Variants in HMCN1 observed in about 807,000 individuals in gnomAD.
HMCN1 encodes the protein hemicentin 1.
In HMCN1, 321 loss-of-function variants were observed where a neutral mutation model predicts 625.9. The ratio of observed to expected loss-of-function variants is 0.51; its 90% CI spans 0.47 to 0.56. The LOEUF (loss-of-function observed/expected upper bound fraction) is 0.56, where lower values mean the gene tolerates loss of function less well. Ranked by LOEUF, HMCN1 falls within the 20% of genes least tolerant of loss-of-function variation. The pLI is 0.00. For synonymous variants in HMCN1, 2,425 were observed against 2,417.6 expected, an observed-to-expected ratio of 1.00 and a Z score of -0.09; for missense variants, 6,588 against 6,887.3, an observed-to-expected ratio of 0.96 and a Z score of 1.54.
rs767510138 is a variant in HMCN1 at position 185,995,060 on chromosome 1, G to A, written c.3751G>A (p.Glu1251Lys). 22 of 1,613,590 alleles carry A rather than the reference G, an allele frequency of 1.4e-5. No individual in the cohort carries two copies. Among genetic ancestry groups the A allele is most frequent in the Non-Finnish European group, 8.5e-7 (1 of 1,179,728 alleles). ...CVATNIAGTDETEITLHVQEP... is the reference protein window; with the variant it reads ...CVATNIAGTDKTEITLHVQEP... ...TGCTACTAACATAGCAGGCACTGATGAAACAGAGATAACGCTACATGTCCA... is the reference window on the plus strand; with the variant it reads ...TGCTACTAACATAGCAGGCACTGATAAAACAGAGATAACGCTACATGTCCA... The change falls in exon 24 of 107, where the codon GAA (glutamate) becomes AAA (lysine). Residue 1251 changes from glutamate (E) to lysine (K), a missense_variant. By Grantham distance (56) the Glu-to-Lys change is moderately conservative. Around this residue, in one of 3 missense-constraint regions of HMCN1, gnomAD observed 4,628 missense variants for 4,853.1 expected, o/e 0.95. Coordinates refer to ENST00000271588, the MANE Select transcript of HMCN1 (RefSeq NM_031935.3).
Position 185,848,165 on chromosome 1 carries a change from T to TTTCTGC in HMCN1, c.339+2069_339+2070insTTCTGC, listed in dbSNP as rs1319329775. 2.2e-3 allele frequency among the ~76,000 whole-genome samples: 329 copies of TTTCTGC among 152,292 alleles called. 2 individuals carry two copies. The highest frequency in any genetic ancestry group is 7.5e-3 in the African/African-American group (311 of 41,554). On this transcript the variant is annotated intron_variant, in intron 2 of 106. Transcript: ENST00000271588. ...ACCGCATTGTCTATGTTCACTGCTA[T>TTTCTGC]CATTTCCTTACTCCCATTTCTGCCA...
intron 30 of HMCN1, among the ~76,000 whole-genome samples, chr1:186,014,534 G>C (rs1380187845): frequency 6.6e-6 from 1 of 151,984 alleles, no homozygotes; most frequent in East Asian, 1.9e-4. Context: ...TGAGTGACTT[G>C]AGTTGTTTTC....
At chr1:186,107,037 G>A in intron 70 of HMCN1, 72 bp downstream of exon 70, 1 of 881,246 alleles carries the variant, frequency 1.1e-6, no homozygotes, top group Non-Finnish European at 2.0e-6. Flanking sequence ...CAACACCACA[G>A]CACATCACAG....
At position 186,128,278 on chromosome 1, in the gene HMCN1, C is replaced by T. The variant is rs1346147352; in HGVS notation, c.12891C>T (p.Asn4297=). ...PLPKLTWTFN[N]NIIPAHFDSV... is the part of the protein sequence containing the mutation. ...CCAAATTAACATGGACCTTCAATAA[C>T]AATATTATTCCAGGTTGGTCATTTA... is the stretch of plus-strand genomic sequence containing the variant. Residue 4297 remains asparagine (N), a synonymous_variant, in exon 83 of 107, where the codon AAC becomes AAT. Transcript: ENST00000271588. 1 of 1,612,256 alleles carries T rather than the reference C, an allele frequency of 6.2e-7. No homozygotes were observed. The highest frequency in any genetic ancestry group is 8.5e-7 in the Non-Finnish European group (1 of 1,178,930).
At chr1:185,844,124 C>T (rs1046272423) in intron 1 of HMCN1, among the ~76,000 whole-genome samples, 2 of 152,162 alleles carry the variant, frequency 1.3e-5, no homozygotes, top group Non-Finnish European at 2.9e-5. Flanking sequence ...ATGCTACTGA[C>T]AATTTATATG....
intron 97 of HMCN1, among the ~76,000 whole-genome samples, chr1:186,157,381 A>T (rs1355238992): frequency 6.6e-6 from 1 of 152,262 alleles, no homozygotes; most frequent in African/African-American, 2.4e-5. Context: ...AAAATAACTC[A>T]TAATAACATT....
rs747431472 is a variant in HMCN1 at position 186,153,837 on chromosome 1, C to T, written c.15106C>T (p.Pro5036Ser). The part of the protein sequence containing the change: ...RLFTIDGISI[P>S]YTWNHTVFYD... ...GTTCACCATTGATGGCATCAGCATC[C>T]CATACACATGGAACCACACCGTTTT... The change falls in exon 97 of 107, where the codon CCA becomes TCA. Residue 5036 changes from proline to serine, a missense_variant. By Grantham distance (74) the Pro-to-Ser change is moderately conservative (BLOSUM62 -1). Around this residue, in one of 3 missense-constraint regions of HMCN1, gnomAD observed 1,954 missense variants for 2,013.1 expected, o/e 0.97. Transcript: ENST00000271588. 8.1e-6 allele frequency: 13 copies of T among 1,614,012 alleles called. No individual in the cohort carries two copies. The highest frequency in any genetic ancestry group is 1.1e-5 in the Non-Finnish European group (13 of 1,180,016).
At position 185,845,942 on chromosome 1, in the gene HMCN1, G is replaced by C. The variant is rs1003851561; in HGVS notation, c.269-84G>C. On this transcript the variant is annotated intron_variant, in intron 1 of 106. Coordinates refer to ENST00000271588, the MANE Select transcript of HMCN1 (RefSeq NM_031935.3). ...ATTAATAAGTAACCATGTACTGCAA[G>C]GTGAAAAGACATCTATAAACACAAG... The C allele has an allele frequency of 1.5e-5, 13 of 843,670 alleles. No individual in the cohort carries two copies. In the South Asian group the frequency reaches 1.8e-4, roughly 11 times the overall value. 52.3% of individuals were successfully genotyped at this position (843,670 alleles called of 1,614,324 possible).
intron 4 of HMCN1, among the ~76,000 whole-genome samples, chr1:185,898,334 A>C (rs1048566451): frequency 3.5e-4 from 53 of 152,310 alleles, no homozygotes; most frequent in African/African-American, 1.2e-3. Flanking sequence ...CAGGAAGTTG[A>C]GAGAGAGTCC....
rs1658720205 is a variant in HMCN1, at chr1:186,074,985, CT to C, written c.8290+95del. 1.5e-5 allele frequency: 15 copies of C among 1,030,836 alleles called. No homozygotes were observed. The South Asian group carries it at 2.1e-4, about 15-fold the overall frequency. 63.9% of individuals were successfully genotyped at this position (1,030,836 alleles called of 1,614,324 possible). A position where few individuals can be genotyped will look rare whatever the true frequency, so the allele number is the denominator to read the frequency against. On this transcript the variant is annotated intron_variant, in intron 53 of 106. Transcript: ENST00000271588. ...GACTTATTTTAAACAGTGTTTTTTT[CT>C]GTTGACAATAATATAAATTCATGAT...
At chr1:185,888,957 CATTT>C (rs1159009097) in intron 4 of HMCN1, among the ~76,000 whole-genome samples, 1 of 147,448 alleles carries the variant, frequency 6.8e-6, no homozygotes, top group Non-Finnish European at 1.5e-5. Context: ...AATGTTCTTC[CATTT>C]GTTTGTGTCC....
intron 46 of HMCN1, among the ~76,000 whole-genome samples, chr1:186,060,542 T>C (rs1429603330): frequency 6.6e-6 from 1 of 152,126 alleles, no homozygotes; most frequent in Non-Finnish European, 1.5e-5. Flanking sequence ...TATTAGAGTT[T>C]CACTTTCAGT....
chr1:185,912,819 A>T (rs1169320882), intron 6 of HMCN1, among the ~76,000 whole-genome samples: 1 of 152,114 alleles, frequency 6.6e-6, no homozygotes, highest in Non-Finnish European at 1.5e-5. Context: ...CCAGCTGTCA[A>T]ATAAACAACT....
At chr1:186,144,394 T>G in intron 90 of HMCN1, 51 bp downstream of exon 90, 1 of 1,580,592 alleles carries the variant, frequency 6.3e-7, no homozygotes, top group Non-Finnish European at 8.7e-7. Flanking sequence ...CTACCTATCT[T>G]ATCTAGGTAG....
chr1:185,904,856 A>T (rs1038428887), intron 4 of HMCN1, among the ~76,000 whole-genome samples: 1 of 151,746 alleles, frequency 6.6e-6, no homozygotes. Context: ...TTTTTTCTAG[A>T]TCAGGCTTCA....
chr1:185,915,584 G>T (rs1202830110), intron 6 of HMCN1, among the ~76,000 whole-genome samples: 2 of 152,032 alleles, frequency 1.3e-5, no homozygotes, highest in East Asian at 1.9e-4. Context: ...AGTACAGAAG[G>T]GTGTGTACCC....
chr1:185,739,314 C>T (rs1653814938), intron 1 of HMCN1, among the ~76,000 whole-genome samples: 1 of 152,124 alleles, frequency 6.6e-6, no homozygotes, highest in Non-Finnish European at 1.5e-5. Context: ...GTGCAACATG[C>T]TGTTATTGAA....
At position 185,889,572 on chromosome 1, in the gene HMCN1, T is replaced by G. The variant is rs1419206223; in HGVS notation, c.622-19765T>G. 2.3e-4 allele frequency among the ~76,000 whole-genome samples: 31 copies of G among 135,420 alleles called. 2 individuals are homozygous for G. Among genetic ancestry groups the G allele is most frequent in the Admixed American group, 2.1e-3 (31 of 14,420 alleles). 88.8% of individuals were successfully genotyped at this position (135,420 alleles called of 152,430 possible). A position where few individuals can be genotyped will look rare whatever the true frequency, so the allele number is the denominator to read the frequency against. ...TTCTGCATCTATTGAGATAATCATG[T>G]GGTTTTTGTCTTTGGCTCTGTTTAT... On this transcript the variant is annotated intron_variant, in intron 4 of 106. Transcript: ENST00000271588.
intron 54 of HMCN1, among the ~76,000 whole-genome samples, chr1:186,077,793 A>G (rs1455712536): frequency 6.6e-6 from 1 of 152,204 alleles, no homozygotes; most frequent in African/African-American, 2.4e-5. Flanking sequence ...TCAAAACTAT[A>G]AAAGCAAGGA....
Sources: allele counts gnomAD v4.1 joint callset (sites outside exome capture counted in the v4.1 genomes callset), GRCh38; gene constraint gnomAD v4.1.1; regional missense constraint gnomAD v4.1.1; transcripts MANE v1.5; gene names NCBI Gene and HGNC (gene_info 2026-07-23, HGNC 2026-07-21).